Variants in IMPA1 observed in about 807,000 individuals in gnomAD.
IMPA1 encodes the protein inositol monophosphatase 1.
IMPA1 carries 21 observed loss-of-function variants against 34.9 expected under a neutral mutation model. The observed-to-expected ratio is 0.60, with a 90% CI of 0.43 to 0.87. IMPA1 has a LOEUF of 0.87. IMPA1 is among the 40% of genes least tolerant of loss of function. The pLI is 0.00. For missense variants in IMPA1, 299 were observed against 336.4 expected, an observed-to-expected ratio of 0.89 and a Z score of 0.87; for synonymous variants, 95 against 104.4, an observed-to-expected ratio of 0.91 and a Z score of 0.55.
At chr8:81,668,520 G>C (rs1484210593) in intron 7 of IMPA1, among the ~76,000 whole-genome samples, 2 of 152,128 alleles carry the variant, frequency 1.3e-5, no homozygotes, top group African/African-American at 4.8e-5. Flanking sequence ...TTGAGCCCAG[G>C]AGGTTGAGGC....
intron 4 of IMPA1, chr8:81,678,823 CA>C (rs35029781): frequency 0.016 from 4,376 of 272,226 alleles, 184 homozygotes; most frequent in African/African-American, 0.089. Context: ...TTCCCACTCT[CA>C]AAGCAGCAAT....
chr8:81,667,529 T>C (rs1450264037), intron 7 of IMPA1, among the ~76,000 whole-genome samples: 1 of 151,630 alleles, frequency 6.6e-6, no homozygotes, highest in Non-Finnish European at 1.5e-5. Context: ...TTGAAATGGG[T>C]AATAGGTAGA....
chr8:81,660,931 CAAT>C (rs1342089465), intron 7 of IMPA1, among the ~76,000 whole-genome samples: 1 of 152,046 alleles, frequency 6.6e-6, no homozygotes, highest in Non-Finnish European at 1.5e-5. Context: ...AAAATAAAGA[CAAT>C]GCTTAATTCT....
In IMPA1 at chr8:81,683,744, T is replaced by C. The variant is rs920043418; in HGVS notation, c.-24-2160A>G. ...GGTATGGCCTCCATGTAGAAACATG[T>C]AAGTTACTTGAGTAGACAGCAACTG... On this transcript the variant is annotated intron_variant, in intron 1 of 8. Transcript: ENST00000256108. Among the ~76,000 whole-genome samples the C allele has an allele frequency of 3.3e-5, 5 of 151,756 alleles. No individual in the cohort carries two copies. The South Asian group carries it at 6.3e-4, about 19-fold the overall frequency.
chr8:81,682,460 A>G (rs1807328943), intron 1 of IMPA1, among the ~76,000 whole-genome samples: 1 of 152,202 alleles, frequency 6.6e-6, no homozygotes, highest in Non-Finnish European at 1.5e-5. Flanking sequence ...TGGGGCCCAC[A>G]TTATAGGAAA....
At chr8:81,662,257 A>G (rs1806701576) in intron 7 of IMPA1, among the ~76,000 whole-genome samples, 1 of 152,172 alleles carries the variant, frequency 6.6e-6, no homozygotes, top group South Asian at 2.1e-4. Flanking sequence ...CTCCCATGAG[A>G]TATGTGATAT....
At chr8:81,669,857 T>G (rs1235789130) in intron 7 of IMPA1, among the ~76,000 whole-genome samples, 2 of 152,244 alleles carry the variant, frequency 1.3e-5, no homozygotes, top group Non-Finnish European at 2.9e-5. Context: ...AAGAGGGCTA[T>G]GCCCTCATGA....
Position 81,670,993 on chromosome 8 carries a change from G to A in IMPA1, c.512C>T (p.Thr171Ile). 6.5e-7 allele frequency: 1 copy of A among 1,533,972 alleles called. No individual in the cohort carries two copies. The highest frequency in any genetic ancestry group is 2.5e-5 in the East Asian group (1 of 39,964). ...CATATTAGAAAGAACCATTCTCACA[G>A]TCTCTGGTGTTCTGGAAGAGCCCAA... is the stretch of plus-strand genomic sequence containing the variant. ...TELGSSRTPE[T>I]VRMVLSNMEK... Residue 171 changes from threonine (T) to isoleucine (I), a missense_variant, in exon 7 of 9, where the codon ACT (threonine) becomes ATT (isoleucine). Transcript: ENST00000256108.
chr8:81,677,352 C>T (rs1447510394), intron 4 of IMPA1, among the ~76,000 whole-genome samples: 2 of 152,194 alleles, frequency 1.3e-5, no homozygotes, highest in East Asian at 3.9e-4. Flanking sequence ...ACCTTGGCCT[C>T]CCAAAGTGCT....
chr8:81,659,407 C>T lies in IMPA1; in HGVS notation c.778G>A (p.Glu260Lys). The T allele has an allele frequency of 6.2e-7, 1 of 1,612,654 alleles. No individual in the cohort carries two copies. Among genetic ancestry groups the T allele is most frequent in the Non-Finnish European group, 8.5e-7 (1 of 1,178,902 alleles). ...ACCTGAATTTCTTTAGCTATCCTTT[C>T]TGCTAATATTCTATTATTTGCAGCA... ...VIAANNRILA[E>K]RIAKEIQVIP... is the part of the protein sequence containing the mutation. The change falls in exon 9 of 9, where the codon GAA becomes AAA. Residue 260 changes from glutamate (E) to lysine (K), a missense_variant. Physicochemically the swap from Glu to Lys is moderately conservative, Grantham distance 56. Coordinates refer to ENST00000256108, the MANE Select transcript of IMPA1 (RefSeq NM_005536.4).
chr8:81,686,303 T>C lies in IMPA1; in HGVS notation c.-76A>G, dbSNP rs1807525802. ...TCTGTGAACGGTGTTACCGCACTCG[T>C]CTCTTCCGGAGGTAGAGGGGCTACT... is the stretch of plus-strand genomic sequence containing the variant. On this transcript the variant is annotated 5_prime_UTR_variant, in exon 1 of 9. Transcript: ENST00000256108. 1 of 988,828 alleles carries C rather than the reference T, an allele frequency of 1.0e-6. No individual in the cohort carries two copies. Among genetic ancestry groups the C allele is most frequent in the Non-Finnish European group, 1.2e-6 (1 of 832,060 alleles). The allele number at this position is 988,828 out of a possible 1,614,324, so 61.3% of individuals were successfully genotyped here.
chr8:81,667,924 C>G (rs538620791), intron 7 of IMPA1, among the ~76,000 whole-genome samples: 1 of 151,532 alleles, frequency 6.6e-6, no homozygotes, highest in Non-Finnish European at 1.5e-5. Context: ...CCCAGTTTCA[C>G]GCCATTCTCC....
chr8:81,679,541 A>G (rs946635108), intron 3 of IMPA1, among the ~76,000 whole-genome samples: 5 of 150,672 alleles, frequency 3.3e-5, no homozygotes, highest in Non-Finnish European at 7.4e-5. Flanking sequence ...TTAGCCTGGT[A>G]GGCGGAGGTT....
At chr8:81,668,111 C>T (rs1806887070) in intron 7 of IMPA1, among the ~76,000 whole-genome samples, 2 of 152,176 alleles carry the variant, frequency 1.3e-5, no homozygotes, top group African/African-American at 2.4e-5. Context: ...GCGTGAGCCA[C>T]CATGGCCAGC....
intron 7 of IMPA1, among the ~76,000 whole-genome samples, chr8:81,661,991 T>C (rs1806695226): frequency 6.6e-6 from 1 of 152,210 alleles, no homozygotes; most frequent in Admixed American, 6.5e-5. Flanking sequence ...GCATTTGTTT[T>C]ATATCTCAAA....
At chr8:81,665,275 T>C (rs780956433) in intron 7 of IMPA1, among the ~76,000 whole-genome samples, 6 of 152,032 alleles carry the variant, frequency 3.9e-5, no homozygotes, top group Non-Finnish European at 5.9e-5. Context: ...ATCAGCGATA[T>C]AGAAACTAAG....
At chr8:81,685,683 G>T in intron 1 of IMPA1, 1 of 543,476 alleles carries the variant, frequency 1.8e-6, no homozygotes, top group Non-Finnish European at 2.5e-6. Flanking sequence ...TTTATATATA[G>T]TTATATATAA....
In IMPA1 at chr8:81,676,218, G is replaced by A. The variant is rs774800153; in HGVS notation, c.348+16C>T. 15 of 1,206,946 alleles carry A rather than the reference G, an allele frequency of 1.2e-5. No individual in the cohort carries two copies. Among genetic ancestry groups the A allele is most frequent in the African/African-American group, 4.7e-5 (3 of 64,234 alleles). 74.8% of individuals were successfully genotyped at this position (1,206,946 alleles called of 1,614,324 possible). A position where few individuals can be genotyped will look rare whatever the true frequency, so the allele number is the denominator to read the frequency against. Reference sequence around the variant, plus strand: ...GAGCAAGGCATATAATCAACTATACGTTTAAAAAATCATACCTTTTTATTT... The same window carrying A: ...GAGCAAGGCATATAATCAACTATACATTTAAAAAATCATACCTTTTTATTT... On this transcript the variant is annotated intron_variant, in intron 5 of 8. Coordinates refer to ENST00000256108, the MANE Select transcript of IMPA1 (RefSeq NM_005536.4).
chr8:81,664,398 G>A (rs904174745), intron 7 of IMPA1, among the ~76,000 whole-genome samples: 3 of 152,106 alleles, frequency 2.0e-5, no homozygotes, highest in Non-Finnish European at 2.9e-5. Context: ...ACAGAGCACC[G>A]GAAGCCCGTA....
Sources: gnomAD v4.1 joint callset for allele counts (sites outside exome capture counted in the v4.1 genomes callset) on GRCh38, gnomAD v4.1.1 for gene constraint, MANE v1.5 for transcripts, NCBI Gene and HGNC (gene_info 2026-07-23, HGNC 2026-07-21) for gene names.